The following NSDHL variants were observed in gnomAD, a reference collection of about 807,000 sequenced individuals.
The protein encoded by NSDHL is NAD(P) dependent 3-beta-hydroxysteroid dehydrogenase NSDHL.
NSDHL carries 1 observed loss-of-function variant against 23.0 expected under a neutral mutation model. The observed-to-expected ratio is 0.04, with a 90% CI of 0.02 to 0.21. NSDHL has a LOEUF of 0.21. NSDHL is among the 10% of genes least tolerant of loss of function. The pLI, the probability that NSDHL is intolerant of heterozygous loss-of-function variation, is 1.00. For synonymous variants in NSDHL, 128 were observed against 121.1 expected, an observed-to-expected ratio of 1.06 and a Z score of -0.37; for missense variants, 237 against 300.9, an observed-to-expected ratio of 0.79 and a Z score of 1.57.
chrX:152,855,001 T>C (rs1387353251), intron 3 of NSDHL, among the ~76,000 whole-genome samples: 1 of 108,313 alleles, frequency 9.2e-6, no homozygotes, highest in Non-Finnish European at 1.9e-5. Flanking sequence ...TAACACTTTT[T>C]TTTTTTTTTT....
At chrX:152,854,160 A>G (rs1933403485) in intron 3 of NSDHL, among the ~76,000 whole-genome samples, 1 of 111,904 alleles carries the variant, frequency 8.9e-6, no homozygotes, top group Admixed American at 9.5e-5. Flanking sequence ...TTCCTTGAGT[A>G]CAGATTTCAA....
intron 1 of NSDHL, among the ~76,000 whole-genome samples, chrX:152,835,010 G>A (rs1933069823): frequency 8.9e-6 from 1 of 111,825 alleles, no homozygotes; most frequent in Admixed American, 9.5e-5. Flanking sequence ...CTAGAAGGAC[G>A]GGACGCTCTC....
At chrX:152,831,183 G>T in intron 1 of NSDHL, 66 bp downstream of exon 1, 1 of 297,929 alleles carries the variant, frequency 3.4e-6, no homozygotes, top group Non-Finnish European at 5.9e-6. Context: ...CGGGAGGGTG[G>T]GGAGCTACGG....
intron 6 of NSDHL, among the ~76,000 whole-genome samples, chrX:152,866,293 G>A (rs112209657): frequency 0.07 from 7,766 of 111,700 alleles, 294 homozygotes; most frequent in Non-Finnish European, 0.1. Context: ...CATTCCCGAG[G>A]GCAGAGCCCC....
intron 5 of NSDHL, among the ~76,000 whole-genome samples, chrX:152,863,271 A>G (rs1370953765): frequency 3.6e-5 from 4 of 112,154 alleles, no homozygotes; most frequent in African/African-American, 1.3e-4. Flanking sequence ...TTATCGCATC[A>G]TCACCAGATT....
intron 1 of NSDHL, among the ~76,000 whole-genome samples, chrX:152,832,866 A>G (rs1335057628): frequency 1.8e-5 from 2 of 111,793 alleles, no homozygotes; most frequent in Admixed American, 1.9e-4. Context: ...GATGTTGAGC[A>G]GGTCTTCAGG....
intron 2 of NSDHL, among the ~76,000 whole-genome samples, chrX:152,849,701 C>T (rs1205732141): frequency 1.8e-5 from 2 of 112,527 alleles, no homozygotes; most frequent in Non-Finnish European, 3.8e-5. Context: ...TAGGCTGAGG[C>T]AAGAAGGGGT....
chrX:152,852,580 TG>T (rs1569473596), intron 3 of NSDHL, among the ~76,000 whole-genome samples: 2 of 111,383 alleles, frequency 1.8e-5, no homozygotes, highest in Non-Finnish European at 3.8e-5. Flanking sequence ...GGCAAATAAA[TG>T]TGGCCACCAC....
intron 1 of NSDHL, among the ~76,000 whole-genome samples, chrX:152,837,904 C>T (rs1373133052): frequency 9.0e-6 from 1 of 111,628 alleles, no homozygotes; most frequent in Non-Finnish European, 1.9e-5. Flanking sequence ...TGGTAGAATT[C>T]GGCTGTGAAT....
intron 1 of NSDHL, among the ~76,000 whole-genome samples, chrX:152,841,159 GA>G (rs1221632674): frequency 8.9e-6 from 1 of 112,913 alleles, no homozygotes; most frequent in Admixed American, 9.3e-5. Context: ...AAGACCGTGG[GA>G]AAAGTGTAGT....
intron 3 of NSDHL, among the ~76,000 whole-genome samples, chrX:152,854,253 T>TAA (rs1237085394): frequency 9.0e-6 from 1 of 111,297 alleles, no homozygotes; most frequent in Non-Finnish European, 1.9e-5. Flanking sequence ...GAGTTGCATT[T>TAA]AACCAGGGTT....
intron 5 of NSDHL, among the ~76,000 whole-genome samples, chrX:152,864,187 G>A (rs1262552127): frequency 2.7e-5 from 3 of 112,428 alleles, no homozygotes; most frequent in African/African-American, 9.7e-5. Context: ...GGGATTACAG[G>A]CGTGAGCCAC....
In NSDHL at chrX:152,868,912, G is replaced by A. The variant is rs1434579743; in HGVS notation, c.918G>A (p.Leu306=). The A allele has an allele frequency of 1.7e-6, 2 of 1,210,464 alleles. No individual in the cohort carries two copies. The change falls in exon 8 of 8, where the codon CTG becomes CTA. Residue 306 remains leucine, a synonymous_variant. Transcript: ENST00000370274. ...GGGTGGCCTACTACCTGGCCCTCCT[G>A]CTATCCCTGCTGGTGATGGTGATCA... ...PYWVAYYLAL[L]LSLLVMVISP... is the part of the protein sequence containing the mutation.
intron 1 of NSDHL, among the ~76,000 whole-genome samples, chrX:152,845,889 C>T (rs1319401811): frequency 8.9e-6 from 1 of 112,516 alleles, no homozygotes; most frequent in African/African-American, 3.2e-5. Context: ...GAGCAGGACT[C>T]CCTAGGTGTG....
At chrX:152,861,389 C>T (rs1236573519) in intron 4 of NSDHL, among the ~76,000 whole-genome samples, 1 of 113,159 alleles carries the variant, frequency 8.8e-6, no homozygotes, top group Non-Finnish European at 1.9e-5. Flanking sequence ...CCATTGACCT[C>T]CCTGTCTGCC....
At position 152,869,122 on chromosome X, in the gene NSDHL, A is replaced by T. The variant is rs1213740380; in HGVS notation, c.*6A>T. ...ACCTGCGGAGGGTCAAGTGAGGGAC[A>T]CTGGAGGCTGGGCTCTCTCGACACG... On this transcript the variant is annotated 3_prime_UTR_variant, in exon 8 of 8. Coordinates refer to ENST00000370274, the MANE Select transcript of NSDHL (RefSeq NM_015922.3). The T allele has an allele frequency of 8.4e-7, 1 of 1,190,673 alleles. No individual in the cohort carries two copies.
intron 3 of NSDHL, among the ~76,000 whole-genome samples, chrX:152,855,034 G>A (rs1556846801): frequency 9.9e-6 from 1 of 100,599 alleles, no homozygotes; most frequent in African/African-American, 3.8e-5. Flanking sequence ...TTGCGCTGTC[G>A]CCCAGGCTGT....
In NSDHL at chrX:152,869,245, C is replaced by T. The variant is rs145978994; in HGVS notation, c.*129C>T. On this transcript the variant is annotated 3_prime_UTR_variant, in exon 8 of 8. Transcript: ENST00000370274. ...GTGACTCCTTCTGCTAGGCAGAGAG[C>T]GCACCCTACTCTTTCCGTGACGATG... 306 of 568,162 alleles carry T rather than the reference C, an allele frequency of 5.4e-4. No homozygotes were observed. In the East Asian group the frequency reaches 6.3e-3, roughly 12 times the overall value. 46.8% of individuals were successfully genotyped at this position (568,162 alleles called of 1,213,427 possible). A position where few individuals can be genotyped will look rare whatever the true frequency, so the allele number is the denominator to read the frequency against.
At chrX:152,862,443 T>G (rs1556847607) in intron 4 of NSDHL, among the ~76,000 whole-genome samples, 153 bp from the exon 5 acceptor site, 1 of 112,826 alleles carries the variant, frequency 8.9e-6, no homozygotes, top group Non-Finnish European at 1.9e-5. Flanking sequence ...TAAGAAGGCA[T>G]GAAAAGCAAA....
Sources: allele counts gnomAD v4.1 joint callset (sites outside exome capture counted in the v4.1 genomes callset), GRCh38; gene constraint gnomAD v4.1.1; transcripts MANE v1.5; gene names NCBI Gene and HGNC (gene_info 2026-07-23, HGNC 2026-07-21).